Variants in DACH1 observed in about 807,000 individuals in gnomAD.
DACH1 encodes dachshund homolog 1.
DACH1 carries 12 observed loss-of-function variants against 54.2 expected under a neutral mutation model. The ratio of observed to expected loss-of-function variants is 0.22; its 90% CI spans 0.14 to 0.36. The LOEUF (loss-of-function observed/expected upper bound fraction) is 0.36. DACH1 is among the 10% of genes least tolerant of loss of function. The pLI, the probability that DACH1 is intolerant of heterozygous loss-of-function variation, is 1.00. For missense variants in DACH1, 805 were observed against 929.8 expected, an observed-to-expected ratio of 0.87 and a Z score of 1.75; for synonymous variants, 386 against 366.2, an observed-to-expected ratio of 1.05 and a Z score of -0.62.
chr13:71,721,204 C>T (rs1190067760), intron 1 of DACH1, among the ~76,000 whole-genome samples: 2 of 152,102 alleles, frequency 1.3e-5, no homozygotes, highest in Non-Finnish European at 2.9e-5. Flanking sequence ...CCTAACACCA[C>T]AGTAAATTTT....
In DACH1 at chr13:71,689,860, C is replaced by T. The variant is rs1342701945; in HGVS notation, c.849-7950G>A. On this transcript the variant is annotated intron_variant, in intron 1 of 10. Transcript: ENST00000613252. ...GGATAATCTCGCCCTCGCCCTCGCC[C>T]CTAAAGCTTCTAAGTCCTCTTCCCC... 2.0e-5 allele frequency among the ~76,000 whole-genome samples: 3 copies of T among 152,146 alleles called. No homozygotes were observed. The East Asian group carries it at 5.8e-4, about 29-fold the overall frequency.
intron 1 of DACH1, among the ~76,000 whole-genome samples, chr13:71,762,768 C>CAAAAAAAAAAAAAAAAAAAAAAAAAAA (rs34543654): frequency 1.4e-5 from 1 of 71,178 alleles, no homozygotes; most frequent in South Asian, 5.5e-4. Context: ...AACTTTGTCT[C>CAAAAAAAAAAAAAAAAAAAAAAAAAAA]AAAAAAAAAA....
chr13:71,474,183 G>T (rs1277357762), intron 10 of DACH1, among the ~76,000 whole-genome samples: 2 of 151,990 alleles, frequency 1.3e-5, no homozygotes, highest in South Asian at 4.1e-4. Context: ...CCTCAAAAAT[G>T]TTTCTTCAAG....
chr13:71,458,142 C>T (rs1294196485), intron 10 of DACH1, among the ~76,000 whole-genome samples: 1 of 151,516 alleles, frequency 6.6e-6, no homozygotes, highest in Admixed American at 6.6e-5. Flanking sequence ...TATATGAATA[C>T]CTTTTATGTA....
In DACH1 at chr13:71,697,245, T is replaced by C. The variant is rs113287890; in HGVS notation, c.849-15335A>G. ...AGGGACTCGATAAATATTTATTAAA[T>C]GAAAAAAAATGAATGACTGGGTGAA... is the stretch of plus-strand genomic sequence containing the variant. On this transcript the variant is annotated intron_variant, in intron 1 of 10. Transcript: ENST00000613252. Among the ~76,000 whole-genome samples, 7 of 152,144 alleles carry C rather than the reference T, an allele frequency of 4.6e-5. 1 individual carries two copies. The highest frequency in any genetic ancestry group is 1.7e-4 in the African/African-American group (7 of 41,512).
intron 10 of DACH1, among the ~76,000 whole-genome samples, chr13:71,471,516 T>C (rs1397983153): frequency 6.6e-6 from 1 of 151,940 alleles, no homozygotes; most frequent in Non-Finnish European, 1.5e-5. Context: ...ATCCCAGCAC[T>C]TTGGGAGGCC....
At chr13:71,512,839 C>T (rs1188034864) in intron 6 of DACH1, among the ~76,000 whole-genome samples, 1 of 151,614 alleles carries the variant, frequency 6.6e-6, no homozygotes, top group Non-Finnish European at 1.5e-5. Flanking sequence ...AAGAAACCCA[C>T]AAAAGAATCA....
intron 2 of DACH1, among the ~76,000 whole-genome samples, chr13:71,638,059 C>T (rs926513222): frequency 3.9e-5 from 6 of 152,074 alleles, no homozygotes; most frequent in African/African-American, 1.4e-4. Flanking sequence ...TGGGTTATAT[C>T]CAAGAGATGT....
intron 4 of DACH1, among the ~76,000 whole-genome samples, chr13:71,561,892 A>T (rs1227172031): frequency 6.6e-6 from 1 of 152,080 alleles, no homozygotes; most frequent in Non-Finnish European, 1.5e-5. Context: ...AAATAACCAG[A>T]AAAAATAGCC....
At chr13:71,662,956 CTCA>C in intron 2 of DACH1, among the ~76,000 whole-genome samples, 1 of 151,908 alleles carries the variant, frequency 6.6e-6, no homozygotes, top group East Asian at 1.9e-4. Context: ...ATCTTTGCAA[CTCA>C]TCATAAATAT....
intron 7 of DACH1, among the ~76,000 whole-genome samples, chr13:71,482,864 G>C (rs1031239424): frequency 2.1e-5 from 3 of 144,120 alleles, no homozygotes; most frequent in African/African-American, 7.7e-5. Context: ...CAAATGGCGC[G>C]ATCTCGGCTC....
chr13:71,499,308 T>C (rs1204774401), intron 6 of DACH1, among the ~76,000 whole-genome samples: 2 of 152,210 alleles, frequency 1.3e-5, no homozygotes, highest in Non-Finnish European at 2.9e-5. Flanking sequence ...TTAACCTCAC[T>C]GCTGATACTG....
At chr13:71,710,918 A>G (rs1882693115) in intron 1 of DACH1, among the ~76,000 whole-genome samples, 1 of 152,190 alleles carries the variant, frequency 6.6e-6, no homozygotes, top group Admixed American at 6.5e-5. Context: ...AAAATTAAAT[A>G]TTACTTAACC....
intron 1 of DACH1, among the ~76,000 whole-genome samples, chr13:71,776,439 GTATGGTATTATAAC>G (rs1886068450): frequency 6.6e-6 from 1 of 152,010 alleles, no homozygotes; most frequent in Non-Finnish European, 1.5e-5. Context: ...AAGTTAAATA[GTATGGTATTATAAC>G]TTTAGATGTT....
chr13:71,817,885 G>T (rs1315799107), intron 1 of DACH1, among the ~76,000 whole-genome samples: 1 of 146,698 alleles, frequency 6.8e-6, no homozygotes, highest in Non-Finnish European at 1.5e-5. Context: ...CATGATCTCG[G>T]CTCACTGCAA....
chr13:71,808,410 C>T (rs984199101), intron 1 of DACH1, among the ~76,000 whole-genome samples: 2 of 152,110 alleles, frequency 1.3e-5, no homozygotes, highest in African/African-American at 4.8e-5. Flanking sequence ...ATTTCTACTA[C>T]ACTTTTGCTA....
intron 3 of DACH1, among the ~76,000 whole-genome samples, chr13:71,626,350 A>C (rs1876644342): frequency 6.6e-6 from 1 of 152,006 alleles, no homozygotes; most frequent in African/African-American, 2.4e-5. Flanking sequence ...TAGTATTCTC[A>C]AAAGTGTGCA....
intron 3 of DACH1, among the ~76,000 whole-genome samples, chr13:71,595,986 G>T (rs188120873): frequency 6.6e-6 from 1 of 150,998 alleles, no homozygotes; most frequent in East Asian, 1.9e-4. Context: ...GGGGTAAGAG[G>T]TCCAAGAACT....
intron 2 of DACH1, among the ~76,000 whole-genome samples, chr13:71,645,052 T>C (rs568598402): frequency 6.6e-6 from 1 of 152,334 alleles, no homozygotes; most frequent in South Asian, 2.1e-4. Context: ...TGGTTAAGCC[T>C]AGATACCAGA....
Sources: allele counts gnomAD v4.1 joint callset (sites outside exome capture counted in the v4.1 genomes callset), GRCh38; gene constraint gnomAD v4.1.1; transcripts MANE v1.5; gene names NCBI Gene and HGNC (gene_info 2026-07-23, HGNC 2026-07-21).